The following DOK6 variants were observed in gnomAD, a reference collection of about 807,000 sequenced individuals.
DOK6 encodes the protein docking protein 6.
DOK6 carries 22 observed loss-of-function variants against 44.0 expected under a neutral mutation model. The observed-to-expected ratio is 0.50, with a 90% CI of 0.36 to 0.71. The LOEUF (loss-of-function observed/expected upper bound fraction) is 0.71. Ranked by LOEUF, DOK6 falls within the 30% of genes least tolerant of loss-of-function variation. The probability of loss-of-function intolerance (pLI) is 0.00; values close to 1 mark genes in which losing one functional copy is unlikely to be tolerated. For synonymous variants in DOK6, 166 were observed against 145.5 expected (o/e 1.14, Z -1.01); for missense variants, 340 against 416.4 (o/e 0.82, Z 1.60).
chr18:69,509,412 C>A (rs112762808), intron 1 of DOK6, among the ~76,000 whole-genome samples: 2 of 151,786 alleles, frequency 1.3e-5, no homozygotes, highest in Admixed American at 6.6e-5. Flanking sequence ...CCAAGGCGGG[C>A]GGATCACGAG....
chr18:69,630,196 A>C (rs1301889480), intron 3 of DOK6, among the ~76,000 whole-genome samples: 1 of 152,182 alleles, frequency 6.6e-6, no homozygotes, highest in East Asian at 1.9e-4. Flanking sequence ...GTCACCTGGC[A>C]TGTGTCTCTA....
intron 1 of DOK6, among the ~76,000 whole-genome samples, chr18:69,495,963 G>A (rs1307093076): frequency 2.0e-5 from 3 of 152,216 alleles, no homozygotes; most frequent in African/African-American, 7.2e-5. Context: ...GCCGGGAATG[G>A]AGAGAGGGAA....
At chr18:69,566,589 G>T (rs184056717) in intron 2 of DOK6, among the ~76,000 whole-genome samples, 1 of 152,202 alleles carries the variant, frequency 6.6e-6, no homozygotes, top group Admixed American at 6.5e-5. Context: ...ACAGATGGGC[G>T]TGGAGTGTCT....
intron 5 of DOK6, among the ~76,000 whole-genome samples, chr18:69,720,074 A>T (rs1293886679): frequency 6.6e-6 from 1 of 152,204 alleles, no homozygotes; most frequent in Non-Finnish European, 1.5e-5. Flanking sequence ...TTGTAGTCCC[A>T]GCCACTCAGG....
chr18:69,572,644 A>G (rs1176215258), intron 2 of DOK6, among the ~76,000 whole-genome samples: 1 of 152,090 alleles, frequency 6.6e-6, no homozygotes, highest in Non-Finnish European at 1.5e-5. Flanking sequence ...AGACTAGTGA[A>G]GGAAAAAGGA....
intron 1 of DOK6, among the ~76,000 whole-genome samples, chr18:69,448,867 T>C (rs1009225205): frequency 7.9e-5 from 12 of 152,226 alleles, no homozygotes; most frequent in African/African-American, 2.7e-4. Flanking sequence ...GGCAATTTTC[T>C]ATTTCAGATG....
At chr18:69,460,926 T>C (rs1039265487) in intron 1 of DOK6, among the ~76,000 whole-genome samples, 4 of 152,190 alleles carry the variant, frequency 2.6e-5, no homozygotes, top group Non-Finnish European at 5.9e-5. Flanking sequence ...ACCTGTCTTG[T>C]TTCTGTGTGT....
In DOK6 at chr18:69,546,003, C is replaced by A. The variant is rs142696963; in HGVS notation, c.67-18484C>A. Among the ~76,000 whole-genome samples, 165 of 151,184 alleles carry A rather than the reference C, an allele frequency of 1.1e-3. 2 individuals are homozygous for A. The highest frequency in any genetic ancestry group is 3.8e-3 in the African/African-American group (156 of 41,286). ...ATTATTTATATAAATATGTAAACTA[C>A]GTGGTGGCTTATGCCTGTAATCCTA... On this transcript the variant is annotated intron_variant, in intron 1 of 7. Coordinates refer to ENST00000382713, the MANE Select transcript of DOK6 (RefSeq NM_152721.6).
chr18:69,660,886 G>T (rs1985507987), intron 3 of DOK6: 1 of 152,374 alleles, frequency 6.6e-6, no homozygotes, highest in Middle Eastern at 3.4e-3. Flanking sequence ...GACCAGGTTG[G>T]TCTTGAATTC....
intron 5 of DOK6, among the ~76,000 whole-genome samples, chr18:69,729,095 A>C (rs929973793): frequency 6.6e-5 from 10 of 152,204 alleles, no homozygotes; most frequent in African/African-American, 2.2e-4. Flanking sequence ...AGACCAAAAT[A>C]ATATGCATAT....
At chr18:69,686,506 C>T (rs1182779268) in intron 4 of DOK6, among the ~76,000 whole-genome samples, 1 of 152,006 alleles carries the variant, frequency 6.6e-6, no homozygotes, top group Admixed American at 6.6e-5. Flanking sequence ...ACCTTAATAG[C>T]AACAATATTA....
At chr18:69,612,928 C>A (rs1192673225) in intron 3 of DOK6, among the ~76,000 whole-genome samples, 1 of 150,770 alleles carries the variant, frequency 6.6e-6, no homozygotes. Flanking sequence ...GTTGCCCAGG[C>A]TTAAGTGCAG....
chr18:69,829,980 C>A (rs542212871), intron 7 of DOK6, among the ~76,000 whole-genome samples: 6 of 152,138 alleles, frequency 3.9e-5, no homozygotes, highest in Middle Eastern at 6.8e-3. Context: ...TAAATTAAAA[C>A]TAATTTTTTT....
chr18:69,596,858 C>T (rs78045006), intron 2 of DOK6, among the ~76,000 whole-genome samples: 3,534 of 152,116 alleles, frequency 0.023, 129 homozygotes, highest in African/African-American at 0.081. Context: ...AGGCCTATAA[C>T]ATATAGAGTT....
chr18:69,457,869 C>G (rs184850479), intron 1 of DOK6, among the ~76,000 whole-genome samples: 1 of 152,242 alleles, frequency 6.6e-6, no homozygotes, highest in East Asian at 1.9e-4. Flanking sequence ...ACATGCCAGG[C>G]GTGGTGGCTC....
At chr18:69,623,242 G>T (rs1984484333) in intron 3 of DOK6, among the ~76,000 whole-genome samples, 1 of 152,128 alleles carries the variant, frequency 6.6e-6, no homozygotes, top group Admixed American at 6.6e-5. Context: ...AGAAGCTTGT[G>T]TAGCTCACAG....
intron 3 of DOK6, among the ~76,000 whole-genome samples, chr18:69,638,038 T>C (rs1249987633): frequency 7.9e-5 from 12 of 152,232 alleles, no homozygotes; most frequent in Admixed American, 7.9e-4. Context: ...TCAGAGCTCC[T>C]AATTCCCTGA....
intron 7 of DOK6, among the ~76,000 whole-genome samples, chr18:69,828,126 A>T (rs2145130065): frequency 6.6e-6 from 1 of 152,040 alleles, no homozygotes; most frequent in East Asian, 1.9e-4. Context: ...AAATTAAAAC[A>T]AAGATACTTT....
chr18:69,447,953 G>C (rs1311574321), intron 1 of DOK6, among the ~76,000 whole-genome samples: 2 of 152,180 alleles, frequency 1.3e-5, no homozygotes, highest in Admixed American at 6.5e-5. Flanking sequence ...TATTGGTTCA[G>C]ACAAATTAAC....
Sources: gnomAD v4.1 joint callset for allele counts (sites outside exome capture counted in the v4.1 genomes callset) on GRCh38, gnomAD v4.1.1 for gene constraint, MANE v1.5 for transcripts, NCBI Gene and HGNC (gene_info 2026-07-23, HGNC 2026-07-21) for gene names.